The following FRY variants were observed in gnomAD, a reference collection of about 807,000 sequenced individuals.
FRY encodes the protein FRY microtubule binding protein.
Under a neutral mutation model 348.4 loss-of-function variants are expected in FRY, and 128 were observed. The observed-to-expected ratio is 0.37, with a 90% CI of 0.32 to 0.43. The LOEUF (loss-of-function observed/expected upper bound fraction) is 0.43. FRY is among the 20% of genes least tolerant of loss of function. The pLI, the probability that FRY is intolerant of heterozygous loss-of-function variation, is 1.00. For synonymous variants in FRY, 1,370 were observed against 1,374.7 expected, an observed-to-expected ratio of 1.00 and a Z score of 0.08; for missense variants, 2,736 against 3,695.2, an observed-to-expected ratio of 0.74 and a Z score of 6.73.
chr13:32,145,004 T>TA (rs1441493592), intron 11 of FRY, among the ~76,000 whole-genome samples: 4 of 152,106 alleles, frequency 2.6e-5, no homozygotes, highest in African/African-American at 7.2e-5. Context: ...AAGCCCACTA[T>TA]AAAAAATGAA....
At chr13:32,201,905 C>A in intron 29 of FRY, 36 bp from the exon 30 acceptor site, 1 of 1,137,892 alleles carries the variant, frequency 8.8e-7, no homozygotes. Flanking sequence ...GTCTTATAAA[C>A]CATGCTTTTT....
chr13:32,219,737 C>T (rs546462467), intron 36 of FRY, among the ~76,000 whole-genome samples: 3 of 152,072 alleles, frequency 2.0e-5, no homozygotes, highest in Non-Finnish European at 2.9e-5. Context: ...GTAGCCTGGG[C>T]GAAAACAAAT....
At chr13:32,173,276 T>C in intron 18 of FRY, 91 bp from the exon 19 acceptor site, 1 of 937,190 alleles carries the variant, frequency 1.1e-6, no homozygotes, top group Non-Finnish European at 1.8e-6. Context: ...ATTTACAAGG[T>C]CAAATGTGCA....
Position 32,164,132 on chromosome 13 carries a change from C to T in FRY, c.1892+2881C>T, listed in dbSNP as rs1231821419. On this transcript the variant is annotated intron_variant, in intron 17 of 60. Coordinates refer to ENST00000542859, the MANE Select transcript of FRY (RefSeq NM_023037.3). ...CCTCTTCAGATCTCCTTGAGAGGGTCAGAGGACAAAAGTGAAGTAATTCAA... is the reference window on the plus strand; with the variant it reads ...CCTCTTCAGATCTCCTTGAGAGGGTTAGAGGACAAAAGTGAAGTAATTCAA... Among the ~76,000 whole-genome samples, 33 of 152,124 alleles carry T rather than the reference C, an allele frequency of 2.2e-4. 1 individual carries two copies. The highest frequency in any genetic ancestry group is 2.8e-4 in the Non-Finnish European group (19 of 68,020).
chr13:32,162,350 C>T (rs1593683617), intron 17 of FRY, among the ~76,000 whole-genome samples: 3 of 152,222 alleles, frequency 2.0e-5, no homozygotes, highest in Non-Finnish European at 4.4e-5. Flanking sequence ...GCACCTTTCC[C>T]ATCAATATTC....
chr13:32,034,593 C>T (rs1872411397), intron 1 of FRY, among the ~76,000 whole-genome samples: 1 of 152,204 alleles, frequency 6.6e-6, no homozygotes, highest in Non-Finnish European at 1.5e-5. Flanking sequence ...CTTTCCCCAG[C>T]TGTCTAGTGG....
rs78815887 is a variant in FRY at position 32,038,103 on chromosome 13, C to A, written c.70+6238C>A. Among the ~76,000 whole-genome samples the A allele has an allele frequency of 1.4e-3, 218 of 152,306 alleles. 1 individual carries two copies. The highest frequency in any genetic ancestry group is 3.9e-3 in the African/African-American group (161 of 41,568). On this transcript the variant is annotated intron_variant, in intron 1 of 60. Coordinates refer to ENST00000542859, the MANE Select transcript of FRY (RefSeq NM_023037.3). Reference sequence around the variant, plus strand: ...GCACTGAGTATTAATTAGCTAGTTTCTTCTTAAATGCTCCTGGTTTAGAAT... The same window carrying A: ...GCACTGAGTATTAATTAGCTAGTTTATTCTTAAATGCTCCTGGTTTAGAAT...
intron 18 of FRY, among the ~76,000 whole-genome samples, chr13:32,171,703 G>A (rs533828845): frequency 6.6e-6 from 1 of 152,174 alleles, no homozygotes; most frequent in African/African-American, 2.4e-5. Flanking sequence ...CTTCCTCCCT[G>A]GTGGTGGGCC....
At chr13:32,131,138 C>T (rs1421625989) in intron 7 of FRY, among the ~76,000 whole-genome samples, 6 of 152,058 alleles carry the variant, frequency 3.9e-5, no homozygotes, top group African/African-American at 4.8e-5. Flanking sequence ...ATTTTTTAAC[C>T]CAAAAATATA....
intron 51 of FRY, among the ~76,000 whole-genome samples, chr13:32,258,472 G>T (rs1350057259): frequency 6.6e-6 from 1 of 152,136 alleles, no homozygotes; most frequent in Non-Finnish European, 1.5e-5. Flanking sequence ...AATTAGCCAT[G>T]CCTGGAGGTG....
intron 1 of FRY, among the ~76,000 whole-genome samples, chr13:32,045,038 G>A (rs1872948223): frequency 6.6e-6 from 1 of 152,104 alleles, no homozygotes; most frequent in South Asian, 2.1e-4. Flanking sequence ...TATACCCGCT[G>A]GCCCCTAAGG....
chr13:32,222,556 G>A (rs1288137353), intron 36 of FRY, among the ~76,000 whole-genome samples: 1 of 152,172 alleles, frequency 6.6e-6, no homozygotes, highest in South Asian at 2.1e-4. Flanking sequence ...GGACAAGGAT[G>A]GAAGCAGTGA....
rs147632226 is a variant in FRY, at chr13:32,103,897, G to T, written c.324+1881G>T. ...TGGGAGGATCACTTGAGGAGGTGGA[G>T]GTTGCAATTGAGCCGAGTTCACGCC... On this transcript the variant is annotated intron_variant, in intron 3 of 60. Coordinates refer to ENST00000542859, the MANE Select transcript of FRY (RefSeq NM_023037.3). Among the ~76,000 whole-genome samples the T allele has an allele frequency of 2.2e-3, 332 of 152,154 alleles. 3 individuals carry two copies. Among genetic ancestry groups the T allele is most frequent in the African/African-American group, 7.6e-3 (315 of 41,494 alleles).
chr13:32,047,793 G>A (rs1199414646), intron 1 of FRY, among the ~76,000 whole-genome samples: 1 of 152,102 alleles, frequency 6.6e-6, no homozygotes. Flanking sequence ...GGCTGGTCTC[G>A]AGCTCCTGAC....
intron 2 of FRY, among the ~76,000 whole-genome samples, chr13:32,093,347 C>T (rs1876461014): frequency 6.6e-6 from 1 of 152,140 alleles, no homozygotes; most frequent in Admixed American, 6.5e-5. Flanking sequence ...AAATAAGGTC[C>T]ACACATTGCA....
At chr13:32,187,524 C>G (rs1566119131) in intron 27 of FRY, 22 bp from the exon 28 acceptor site, 2 of 1,380,178 alleles carry the variant, frequency 1.4e-6, no homozygotes, top group Admixed American at 3.4e-5. Context: ...ATTTCCATGT[C>G]TTGTTGTGTT....
rs1022391035 is a variant in FRY, at chr13:32,209,023, G to A, written c.4189G>A (p.Ala1397Thr). 1 of 1,614,182 alleles carries A rather than the reference G, an allele frequency of 6.2e-7. No homozygotes were observed. Among genetic ancestry groups the A allele is most frequent in the Admixed American group, 1.7e-5 (1 of 60,018 alleles). The change falls in exon 32 of 61, where the codon GCT (alanine) becomes ACT (threonine). Residue 1397 changes from alanine (A) to threonine (T), a missense_variant. By Grantham distance (58) the Ala-to-Thr change is moderately conservative (BLOSUM62 0). This residue lies in a region of FRY where 794 missense variants were observed against 977.0 expected (regional missense o/e 0.81). Coordinates refer to ENST00000542859, the MANE Select transcript of FRY (RefSeq NM_023037.3). ...EVKDREGDVT[A>T]SHGLRGNGWG... ...CAAGGACCGGGAAGGTGACGTGACT[G>A]CTTCTCACGGGCTGAGAGGAAATGG...
intron 39 of FRY, among the ~76,000 whole-genome samples, chr13:32,227,043 T>A (rs1885619003): frequency 6.6e-6 from 1 of 152,238 alleles, no homozygotes. Context: ...GAGAAAACTG[T>A]AATATCTGAT....
At chr13:32,153,074 C>A (rs570152255) in intron 14 of FRY, among the ~76,000 whole-genome samples, 44 of 152,252 alleles carry the variant, frequency 2.9e-4, no homozygotes, top group Middle Eastern at 3.4e-3. Flanking sequence ...AGATAAAGAG[C>A]AACTAGAACC....
Sources: allele counts gnomAD v4.1 joint callset (sites outside exome capture counted in the v4.1 genomes callset), GRCh38; gene constraint gnomAD v4.1.1; regional missense constraint gnomAD v4.1.1; transcripts MANE v1.5; gene names NCBI Gene and HGNC (gene_info 2026-07-23, HGNC 2026-07-21).